The following CCDC60 variants were observed in gnomAD, a reference collection of about 807,000 sequenced individuals.
The protein encoded by CCDC60 is coiled-coil domain-containing protein 60.
In CCDC60, 54 loss-of-function variants were observed where a neutral mutation model predicts 63.5. The observed-to-expected ratio is 0.85, with a 90% CI of 0.68 to 1.07. The LOEUF is 1.07. Among genes scored for constraint, CCDC60 ranks in the 50% least tolerant of loss-of-function variants. CCDC60 has a pLI of 0.00. For synonymous variants in CCDC60, 206 were observed against 238.8 expected (o/e 0.86, Z 1.27); for missense variants, 651 against 684.3 (o/e 0.95, Z 0.54).
At chr12:119,490,907 A>G (rs1047568483) in intron 5 of CCDC60, among the ~76,000 whole-genome samples, 1 of 152,236 alleles carries the variant, frequency 6.6e-6, no homozygotes, top group Non-Finnish European at 1.5e-5. Flanking sequence ...AGTGAATACA[A>G]TTTATGCTTA....
intron 13 of CCDC60, among the ~76,000 whole-genome samples, chr12:119,535,992 T>A (rs564271501): frequency 1.3e-5 from 2 of 152,312 alleles, no homozygotes; most frequent in South Asian, 4.1e-4. Flanking sequence ...GTCTCCTTGA[T>A]CTGTCTAATA....
rs143633798 is a variant in CCDC60 at position 119,457,838 on chromosome 12, C to T, written c.171-14156C>T. 2.8e-3 allele frequency among the ~76,000 whole-genome samples: 427 copies of T among 152,312 alleles called. 3 individuals carry two copies. The highest frequency in any genetic ancestry group is 3.4e-3 in the Middle Eastern group (1 of 294). ...TGTATTCCAAATTTCATCTCAATTG[C>T]ATTTGCATTTTAATGAATGATTCTC... On this transcript the variant is annotated intron_variant, in intron 2 of 13. Coordinates refer to ENST00000327554, the MANE Select transcript of CCDC60 (RefSeq NM_178499.5).
chr12:119,500,895 A>G (rs1183742831), intron 6 of CCDC60, among the ~76,000 whole-genome samples: 1 of 152,192 alleles, frequency 6.6e-6, no homozygotes, highest in Admixed American at 6.5e-5. Context: ...GTGATTCAAC[A>G]AAGATTTTCT....
intron 1 of CCDC60, among the ~76,000 whole-genome samples, chr12:119,399,663 C>T (rs1288828934): frequency 1.3e-5 from 2 of 152,156 alleles, no homozygotes; most frequent in East Asian, 3.9e-4. Context: ...TAACAGTCCC[C>T]AACAGGGCTC....
At chr12:119,479,010 G>A in intron 3 of CCDC60, 84 bp from the exon 4 acceptor site, 3 of 927,114 alleles carry the variant, frequency 3.2e-6, no homozygotes, top group South Asian at 1.3e-5. Flanking sequence ...AGTCATATCT[G>A]CCGAATAGAC....
chr12:119,360,740 C>T (rs909217322), intron 1 of CCDC60, among the ~76,000 whole-genome samples: 14 of 152,162 alleles, frequency 9.2e-5, no homozygotes, highest in Non-Finnish European at 8.8e-5. Flanking sequence ...GGATGGCAGC[C>T]GGGCAGAGGC....
chr12:119,372,117 G>A (rs915556441), intron 1 of CCDC60, among the ~76,000 whole-genome samples: 5 of 152,100 alleles, frequency 3.3e-5, no homozygotes, highest in African/African-American at 7.2e-5. Context: ...AAAATTAGCC[G>A]GGTATGGTGG....
At chr12:119,366,704 AG>A (rs1955843783) in intron 1 of CCDC60, among the ~76,000 whole-genome samples, 1 of 152,222 alleles carries the variant, frequency 6.6e-6, no homozygotes, top group Admixed American at 6.5e-5. Context: ...ATCCAGGGCA[AG>A]GGCAGTGAGA....
chr12:119,495,293 C>T (rs1566041924), intron 5 of CCDC60, among the ~76,000 whole-genome samples: 1 of 152,022 alleles, frequency 6.6e-6, no homozygotes, highest in Non-Finnish European at 1.5e-5. Flanking sequence ...TGCCCCGCCT[C>T]GAAGAAAAGA....
Position 119,452,112 on chromosome 12 carries a change from A to C in CCDC60, c.171-19882A>C, listed in dbSNP as rs1220474648. On this transcript the variant is annotated intron_variant, in intron 2 of 13. Coordinates refer to ENST00000327554, the MANE Select transcript of CCDC60 (RefSeq NM_178499.5). ...GAGATTCGTTTAGCCAAAACTCTGA[A>C]GCTACTTTGCATAGAGATATAGCTT... Among the ~76,000 whole-genome samples, 11 of 152,228 alleles carry C rather than the reference A, an allele frequency of 7.2e-5. No individual in the cohort carries two copies. The East Asian group carries it at 2.1e-3, about 29-fold the overall frequency.
chr12:119,340,771 G>A (rs1039443034), intron 1 of CCDC60, among the ~76,000 whole-genome samples: 7 of 152,238 alleles, frequency 4.6e-5, no homozygotes, highest in South Asian at 2.1e-4. Context: ...GATAAATGGC[G>A]GGCTGTAGTG....
intron 2 of CCDC60, among the ~76,000 whole-genome samples, chr12:119,440,613 T>C (rs1184567696): frequency 1.3e-5 from 2 of 151,834 alleles, no homozygotes; most frequent in African/African-American, 4.8e-5. Context: ...GTAGGATGGG[T>C]TCCCAGGGAA....
chr12:119,504,530 C>T (rs1951941275), intron 6 of CCDC60, among the ~76,000 whole-genome samples: 1 of 152,164 alleles, frequency 6.6e-6, no homozygotes, highest in East Asian at 1.9e-4. Context: ...TCCTAAATGT[C>T]AGGCCTACAA....
At chr12:119,378,212 T>C (rs1955973727) in intron 1 of CCDC60, among the ~76,000 whole-genome samples, 1 of 152,190 alleles carries the variant, frequency 6.6e-6, no homozygotes, top group Non-Finnish European at 1.5e-5. Flanking sequence ...TGTTCCTTAC[T>C]GTACACGTGG....
chr12:119,465,826 T>C (rs1950943926), intron 2 of CCDC60, among the ~76,000 whole-genome samples: 1 of 152,148 alleles, frequency 6.6e-6, no homozygotes, highest in Non-Finnish European at 1.5e-5. Flanking sequence ...CAAGGCTCCT[T>C]GGGCTTGTGT....
chr12:119,453,909 G>C (rs1950679592), intron 2 of CCDC60, among the ~76,000 whole-genome samples: 2 of 152,108 alleles, frequency 1.3e-5, no homozygotes, highest in African/African-American at 4.8e-5. Flanking sequence ...TGATGATGAT[G>C]ATGATGATGA....
Position 119,406,001 on chromosome 12 carries a change from G to A in CCDC60, c.91-22682G>A, listed in dbSNP as rs906689421. 7.2e-5 allele frequency among the ~76,000 whole-genome samples: 11 copies of A among 152,100 alleles called. No homozygotes were observed. The East Asian group carries it at 1.5e-3, about 21-fold the overall frequency. ...AGCCTGACCAACATAGAGAAACTCCGCCCTTACTAAAAATACAAAATTAGC... is the reference window on the plus strand; with the variant it reads ...AGCCTGACCAACATAGAGAAACTCCACCCTTACTAAAAATACAAAATTAGC... On this transcript the variant is annotated intron_variant, in intron 1 of 13. Coordinates refer to ENST00000327554, the MANE Select transcript of CCDC60 (RefSeq NM_178499.5).
At chr12:119,463,332 A>G (rs1424776498) in intron 2 of CCDC60, among the ~76,000 whole-genome samples, 5 of 152,168 alleles carry the variant, frequency 3.3e-5, no homozygotes, top group Non-Finnish European at 7.3e-5. Flanking sequence ...GGGACTTCCG[A>G]AAGGACAGAG....
At chr12:119,350,710 A>G (rs1406616477) in intron 1 of CCDC60, among the ~76,000 whole-genome samples, 1 of 152,134 alleles carries the variant, frequency 6.6e-6, no homozygotes, top group Non-Finnish European at 1.5e-5. Flanking sequence ...TCTCTACTAC[A>G]ATGCTCTGGT....
Sources: gnomAD v4.1 joint callset for allele counts (sites outside exome capture counted in the v4.1 genomes callset) on GRCh38, gnomAD v4.1.1 for gene constraint, MANE v1.5 for transcripts, NCBI Gene and HGNC (gene_info 2026-07-23, HGNC 2026-07-21) for gene names.